Variants in CTNND1 observed in about 807,000 individuals in gnomAD.
CTNND1 encodes catenin delta 1, also known as catenin delta-1.
CTNND1 carries 16 observed loss-of-function variants against 112.1 expected under a neutral mutation model. The ratio of observed to expected loss-of-function variants is 0.14; its 90% CI spans 0.10 to 0.22. The LOEUF is 0.22. Ranked by LOEUF, CTNND1 falls within the 10% of genes least tolerant of loss-of-function variation. CTNND1 has a pLI of 1.00. For missense variants in CTNND1, 1,008 were observed against 1,257.0 expected, an observed-to-expected ratio of 0.80 and a Z score of 3.00; for synonymous variants, 420 against 446.5, an observed-to-expected ratio of 0.94 and a Z score of 0.75.
chr11:57,801,646 T>G, intron 6 of CTNND1, 87 bp from the exon 7 acceptor site: 1 of 1,079,898 alleles, frequency 9.3e-7, no homozygotes, highest in East Asian at 2.4e-5. Flanking sequence ...CAGTTAATCC[T>G]CCTTTGCAGA....
intron 11 of CTNND1, 52 bp from the exon 12 acceptor site, chr11:57,806,863 T>G: frequency 6.8e-7 from 1 of 1,460,930 alleles, no homozygotes; most frequent in African/African-American, 1.4e-5. Flanking sequence ...GGTGGAATCT[T>G]TTCTTTTTTA....
chr11:57,803,754 A>G lies in CTNND1; in HGVS notation c.1554A>G (p.Pro518=), dbSNP rs778798983. 3 of 1,612,838 alleles carry G rather than the reference A, an allele frequency of 1.9e-6. No individual in the cohort carries two copies. The East Asian group carries it at 6.7e-5, about 36-fold the overall frequency. The change falls in exon 8 of 21, where the codon CCA becomes CCG. Residue 518 remains proline (P), a synonymous_variant. Coordinates refer to ENST00000399050, the MANE Select transcript of CTNND1 (RefSeq NM_001085458.2). The part of the protein sequence containing the change: ...WEREPNEDCK[P]RHIEWESVLT... ...GGGAACCTAATGAAGACTGTAAGCC[A>G]CGCCACATTGAGTGGGAATCGGTGC...
At chr11:57,797,990 G>A (rs2136978140) in intron 6 of CTNND1, among the ~76,000 whole-genome samples, 1 of 151,970 alleles carries the variant, frequency 6.6e-6, no homozygotes, top group East Asian at 1.9e-4. Flanking sequence ...GGATTCTGAT[G>A]TCTGGGGCCA....
chr11:57,804,805 G>A, intron 9 of CTNND1, 25 bp downstream of exon 9: 1 of 1,539,774 alleles, frequency 6.5e-7, no homozygotes, highest in Non-Finnish European at 9.0e-7. Context: ...ACCTTTAATG[G>A]CTGAGTGAAT....
intron 1 of CTNND1, among the ~76,000 whole-genome samples, chr11:57,776,559 C>T (rs1954272759): frequency 6.6e-6 from 1 of 152,160 alleles, no homozygotes; most frequent in Non-Finnish European, 1.5e-5. Flanking sequence ...ATTCATCCTT[C>T]CTACCCATTG....
At position 57,816,756 on chromosome 11, in the gene CTNND1, A is replaced by G. The variant is rs1370051183; in HGVS notation, c.*448A>G. On this transcript the variant is annotated 3_prime_UTR_variant, in exon 21 of 21. Coordinates refer to ENST00000399050, the MANE Select transcript of CTNND1 (RefSeq NM_001085458.2). ...ATTCTTAATCAAGATTTTTTTCCTG[A>G]TGGGGAAGGGACTTTTATTTTCTTT... 1 of 164,260 alleles carries G rather than the reference A, an allele frequency of 6.1e-6. No individual in the cohort carries two copies. Among genetic ancestry groups the G allele is most frequent in the Non-Finnish European group, 1.3e-5 (1 of 76,008 alleles). 10.2% of individuals were successfully genotyped at this position (164,260 alleles called of 1,614,324 possible).
Position 57,788,956 on chromosome 11 carries a change from C to A in CTNND1, c.-213-81C>A. On this transcript the variant is annotated intron_variant, in intron 1 of 20. Transcript: ENST00000399050. The surrounding 1 kb of genome is among the most constrained non-coding windows in gnomAD (Gnocchi z 4.1). ...TTACTTCCTTTCATTCCTAATATTGCCCCTTGCTCTTCTTGTTTTTATGTA... is the reference window on the plus strand; with the variant it reads ...TTACTTCCTTTCATTCCTAATATTGACCCTTGCTCTTCTTGTTTTTATGTA... 1.0e-6 allele frequency: 1 copy of A among 958,602 alleles called. No individual in the cohort carries two copies. Among genetic ancestry groups the A allele is most frequent in the Non-Finnish European group, 1.6e-6 (1 of 621,984 alleles). The allele number at this position is 958,602 out of a possible 1,614,324, so 59.4% of individuals were successfully genotyped here. A position where few individuals can be genotyped will look rare whatever the true frequency, so the allele number is the denominator to read the frequency against.
At chr11:57,763,799 G>C (rs1464822565) in intron 1 of CTNND1, 1 of 152,250 alleles carries the variant, frequency 6.6e-6, no homozygotes, top group Non-Finnish European at 1.5e-5. Flanking sequence ...GGAGGGATGA[G>C]GGAATCTGAA....
intron 12 of CTNND1, among the ~76,000 whole-genome samples, chr11:57,807,616 A>G (rs1259026742): frequency 6.6e-6 from 1 of 150,968 alleles, no homozygotes; most frequent in Non-Finnish European, 1.5e-5. Flanking sequence ...AAAAAAAAAA[A>G]AAAAAAAAAA....
At position 57,809,408 on chromosome 11, in the gene CTNND1, G is replaced by A. The variant is rs760081165; in HGVS notation, c.2377G>A (p.Ala793Thr). ...GGTTATCGCTGAGAACTTGGAGGCT[G>A]CCAAAAAGCTTCGAGAGACACAGGG... ...NEVIAENLEA[A>T]KKLRETQGIE... Residue 793 changes from alanine (A) to threonine (T), a missense_variant, in exon 15 of 21, where the codon GCC becomes ACC. Coordinates refer to ENST00000399050, the MANE Select transcript of CTNND1 (RefSeq NM_001085458.2). 3.1e-6 allele frequency: 5 copies of A among 1,613,822 alleles called. No homozygotes were observed. In the South Asian group the frequency reaches 5.5e-5, roughly 18 times the overall value.
At chr11:57,815,365 T>C in intron 18 of CTNND1, 29 bp from the exon 19 acceptor site, 5 of 1,379,518 alleles carry the variant, frequency 3.6e-6, no homozygotes, top group East Asian at 2.4e-5. Context: ...GAATGTCATA[T>C]TTCTGTGTAC....
intron 6 of CTNND1, among the ~76,000 whole-genome samples, chr11:57,798,263 C>T (rs2061585371): frequency 6.7e-6 from 1 of 148,590 alleles, no homozygotes; most frequent in Non-Finnish European, 1.5e-5. Flanking sequence ...AGGAGAATCA[C>T]TTGAACCCGG....
intron 15 of CTNND1, 81 bp downstream of exon 15, chr11:57,809,547 G>A (rs2063086968): frequency 2.4e-6 from 3 of 1,275,684 alleles, no homozygotes; most frequent in African/African-American, 1.5e-5. Context: ...ACTAAGAAAG[G>A]AAATTTCCCC....
chr11:57,803,324 G>C (rs2062242122), intron 7 of CTNND1, among the ~76,000 whole-genome samples: 1 of 152,208 alleles, frequency 6.6e-6, no homozygotes, highest in African/African-American at 2.4e-5. Context: ...TCCCAACCTT[G>C]TGATCCGCCC....
In CTNND1 at chr11:57,806,924, C is replaced by A. The variant is rs774520380; in HGVS notation, c.1904C>A (p.Pro635His). ...TTTTTCATTTTTGTAGGGAAAAAACCTATAGAGGATCCAGCAAACGATACA... is the reference window on the plus strand; with the variant it reads ...TTTTTCATTTTTGTAGGGAAAAAACATATAGAGGATCCAGCAAACGATACA... Reference protein sequence around the residue: ...KDEWFSRGKKPIEDPANDTVD... With the variant: ...KDEWFSRGKKHIEDPANDTVD... The change falls in exon 12 of 21, where the codon CCT (proline) becomes CAT (histidine). Residue 635 changes from proline (P) to histidine (H), a missense_variant. Pro to His is a moderately conservative substitution (Grantham distance 77). Coordinates refer to ENST00000399050, the MANE Select transcript of CTNND1 (RefSeq NM_001085458.2). 3.8e-6 allele frequency: 6 copies of A among 1,597,486 alleles called. No homozygotes were observed. Among genetic ancestry groups the A allele is most frequent in the Non-Finnish European group, 5.1e-6 (6 of 1,171,780 alleles).
chr11:57,764,338 G>A (rs1950571839), intron 1 of CTNND1, among the ~76,000 whole-genome samples: 1 of 152,092 alleles, frequency 6.6e-6, no homozygotes, highest in Non-Finnish European at 1.5e-5. Flanking sequence ...CTGAGCTAGG[G>A]TAAAATTGAG....
Position 57,814,333 on chromosome 11 carries a change from A to T in CTNND1, c.2661A>T (p.Glu887Asp). ...QKSDKKPDRE[E>D]IQMSNMGSNT... ...CAGATAAGAAACCTGATCGGGAAGA[A>T]ATTCAGATGAGCAATATGGGATCAA... The change falls in exon 18 of 21, where the codon GAA (glutamate) becomes GAT (aspartate). Residue 887 changes from glutamate to aspartate, a missense_variant. By Grantham distance (45) the Glu-to-Asp change is conservative. Transcript: ENST00000399050. The T allele has an allele frequency of 6.2e-7, 1 of 1,612,134 alleles. No individual in the cohort carries two copies. The highest frequency in any genetic ancestry group is 8.5e-7 in the Non-Finnish European group (1 of 1,179,100).
At chr11:57,762,763 A>G (rs752485213) in intron 1 of CTNND1, among the ~76,000 whole-genome samples, 4 of 152,198 alleles carry the variant, frequency 2.6e-5, no homozygotes, top group Non-Finnish European at 5.9e-5. Context: ...CTGAATTGCC[A>G]TCTCCTTCTT....
Position 57,796,944 on chromosome 11 carries a change from G to A in CTNND1, c.908G>A (p.Gly303Asp). ...DLDYGMMSDY[G>D]TARRTGTPSD... is the part of the protein sequence containing the mutation. ...GATTATGGTATGATGTCTGATTATG[G>A]CACTGCCCGTCGGACTGGGACACCC... is the stretch of plus-strand genomic sequence containing the variant. The change falls in exon 6 of 21, where the codon GGC (glycine) becomes GAC (aspartate). Residue 303 changes from glycine (G) to aspartate (D), a missense_variant. Coordinates refer to ENST00000399050, the MANE Select transcript of CTNND1 (RefSeq NM_001085458.2). The A allele has an allele frequency of 1.3e-6, 2 of 1,547,652 alleles. No individual in the cohort carries two copies. The highest frequency in any genetic ancestry group is 1.2e-5 in the South Asian group (1 of 82,616).
Sources: allele counts gnomAD v4.1 joint callset (sites outside exome capture counted in the v4.1 genomes callset), GRCh38; gene constraint gnomAD v4.1.1; non-coding constraint Gnocchi (gnomAD v3.1); transcripts MANE v1.5; gene names NCBI Gene and HGNC (gene_info 2026-07-23, HGNC 2026-07-21).